The following SNX29 variants were observed in gnomAD, a reference collection of about 807,000 sequenced individuals.
SNX29 encodes the protein sorting nexin 29.
SNX29 carries 78 observed loss-of-function variants against 102.1 expected under a neutral mutation model. The ratio of observed to expected loss-of-function variants is 0.76; its 90% confidence interval spans 0.64 to 0.92. The LOEUF (loss-of-function observed/expected upper bound fraction) is 0.92, where lower values mean the gene tolerates loss of function less well. Among genes scored for constraint, SNX29 ranks in the 40% least tolerant of loss-of-function variants. The pLI is 0.00. For synonymous variants in SNX29, 580 were observed against 414.5 expected (o/e 1.40, Z -4.85); for missense variants, 1,280 against 1,061.7 (o/e 1.21, Z -2.86).
At chr16:12,388,720 C>G (rs1307113515) in intron 16 of SNX29, among the ~76,000 whole-genome samples, 1 of 152,160 alleles carries the variant, frequency 6.6e-6, no homozygotes, top group Non-Finnish European at 1.5e-5. Context: ...GGCCCAGGAG[C>G]CATAGTTGCT....
chr16:12,395,394 G>A (rs12931680), intron 16 of SNX29, among the ~76,000 whole-genome samples: 1 of 152,256 alleles, frequency 6.6e-6, no homozygotes, highest in Non-Finnish European at 1.5e-5. Context: ...ATGCAGCCCA[G>A]AAGTGGATTC....
rs778447013 is a variant in SNX29, at chr16:12,027,270, T to G, written c.123-50T>G. On this transcript the variant is annotated intron_variant, in intron 3 of 20. Transcript: ENST00000566228. ...CCTGGAGATGCTGGGGCCGCCCTAG[T>G]TGCTACTCCCTTTTCTGGGGGGACT... 3.1e-6 allele frequency: 5 copies of G among 1,607,138 alleles called. No individual in the cohort carries two copies. In the East Asian group the frequency reaches 9.0e-5, roughly 29 times the overall value.
At chr16:12,271,319 A>G (rs772040817) in intron 14 of SNX29, among the ~76,000 whole-genome samples, 2 of 152,182 alleles carry the variant, frequency 1.3e-5, no homozygotes, top group Non-Finnish European at 2.9e-5. Flanking sequence ...CATGTGGCTC[A>G]TGGGGGCTGT....
At chr16:12,538,838 G>A (rs564069330) in intron 20 of SNX29, among the ~76,000 whole-genome samples, 16 of 152,174 alleles carry the variant, frequency 1.1e-4, no homozygotes, top group African/African-American at 2.2e-4. Context: ...GCAAAGTCAC[G>A]TGGCAAAGAG....
At chr16:12,180,339 G>T (rs190679954) in intron 13 of SNX29, among the ~76,000 whole-genome samples, 47 of 152,206 alleles carry the variant, frequency 3.1e-4, no homozygotes, top group Admixed American at 2.3e-3. Context: ...TGTCATTTTT[G>T]TATTGTCTCC....
intron 19 of SNX29, among the ~76,000 whole-genome samples, chr16:12,506,924 T>G (rs1171918396): frequency 6.6e-6 from 1 of 151,074 alleles, no homozygotes; most frequent in Non-Finnish European, 1.5e-5. Flanking sequence ...TCACCACTCA[T>G]TTTTGCATTC....
At chr16:12,270,836 A>G (rs1416426940) in intron 14 of SNX29, among the ~76,000 whole-genome samples, 1 of 152,012 alleles carries the variant, frequency 6.6e-6, no homozygotes, top group Non-Finnish European at 1.5e-5. Flanking sequence ...GCGGTCAGGC[A>G]TTCGAGACCC....
intron 18 of SNX29, among the ~76,000 whole-genome samples, chr16:12,427,630 G>A (rs1206392720): frequency 1.3e-5 from 2 of 152,194 alleles, no homozygotes; most frequent in African/African-American, 4.8e-5. Context: ...CATCGGCCAT[G>A]CTTGGAGGTT....
In SNX29 at chr16:12,403,347, C is replaced by CTAT. The variant is rs1309994403; in HGVS notation, c.1956-101_1956-100insTAT. The CTAT allele has an allele frequency of 2.7e-6, 3 of 1,118,594 alleles. No individual in the cohort carries two copies. The Admixed American group carries it at 6.6e-5, about 25-fold the overall frequency. The allele number at this position is 1,118,594 out of a possible 1,614,324, so 69.3% of individuals were successfully genotyped here. ...TGTCATAAATTGCTTGTGCATAATA[C>CTAT]CTCTTGGAGTAGAAAATTGTCTCCT... On this transcript the variant is annotated intron_variant, in intron 17 of 20. Coordinates refer to ENST00000566228, the MANE Select transcript of SNX29 (RefSeq NM_032167.5).
intron 19 of SNX29, among the ~76,000 whole-genome samples, chr16:12,520,592 A>G (rs534844811): frequency 1.3e-5 from 2 of 152,334 alleles, no homozygotes; most frequent in South Asian, 2.1e-4. Context: ...TATGGTTTAT[A>G]TACACCATGG....
rs746058079 is a variant in SNX29 at position 12,061,576 on chromosome 16, G to A, written c.1173G>A (p.Pro391=). The A allele has an allele frequency of 9.3e-6, 15 of 1,611,132 alleles. No homozygotes were observed. The highest frequency in any genetic ancestry group is 1.2e-5 in the Non-Finnish European group (14 of 1,179,080). Residue 391 remains proline, a synonymous_variant, in exon 9 of 21, where the codon CCG becomes CCA. Transcript: ENST00000566228. ...TCLSQMHSWA[P]LKVLHNDSDI... is the part of the protein sequence containing the mutation. Reference sequence around the variant, plus strand: ...TCTCCCAGATGCACAGCTGGGCTCCGCTGAAGGTGCTGCACAATGACTCCG... The same window carrying A: ...TCTCCCAGATGCACAGCTGGGCTCCACTGAAGGTGCTGCACAATGACTCCG...
chr16:12,398,363 G>C, intron 16 of SNX29, 83 bp from the exon 17 acceptor site: 1 of 1,439,498 alleles, frequency 6.9e-7, no homozygotes, highest in Admixed American at 1.7e-5. Context: ...GGATCTCTGA[G>C]AGGCAGAATT....
intron 18 of SNX29, among the ~76,000 whole-genome samples, chr16:12,423,077 G>A (rs2151594667): frequency 6.6e-6 from 1 of 152,294 alleles, no homozygotes; most frequent in East Asian, 1.9e-4. Context: ...TCATGCAGCA[G>A]TTGAGGTGAA....
In SNX29 at chr16:12,362,562, A is replaced by ACCC. The variant is rs796459458; in HGVS notation, c.1899+6292_1899+6294dup. On this transcript the variant is annotated intron_variant, in intron 16 of 20. Transcript: ENST00000566228. Reference sequence around the variant, plus strand: ...ATTTTGGCTGCTGCACTCCCCCCCCACCCCCCCCCCCACCAGTTTCTCCTC... The same window carrying ACCC: ...ATTTTGGCTGCTGCACTCCCCCCCCACCCCCCCCCCCCCCACCAGTTTCTCCTC... Among the ~76,000 whole-genome samples, 27 of 19,986 alleles carry ACCC rather than the reference A, an allele frequency of 1.4e-3. 1 individual carries two copies. The East Asian group carries it at 0.017, about 13-fold the overall frequency. 13.1% of individuals were successfully genotyped at this position (19,986 alleles called of 152,430 possible).
chr16:12,356,144 T>C lies in SNX29; in HGVS notation c.1783-19T>C. On this transcript the variant is annotated intron_variant, in intron 15 of 20. Coordinates refer to ENST00000566228, the MANE Select transcript of SNX29 (RefSeq NM_032167.5). ...GAATGTCTGCCTCTAAGCCTCACCT[T>C]TCCGTGCTTGTGTTCCAGGTGGCAG... 6.2e-7 allele frequency: 1 copy of C among 1,606,466 alleles called. No homozygotes were observed. The highest frequency in any genetic ancestry group is 1.1e-5 in the South Asian group (1 of 89,460).
chr16:12,567,904 C>T (rs528746903), intron 20 of SNX29, among the ~76,000 whole-genome samples: 3 of 152,286 alleles, frequency 2.0e-5, no homozygotes, highest in South Asian at 2.1e-4. Context: ...AGACCCATGC[C>T]CTGGGACCCA....
rs755640544 is a variant in SNX29, at chr16:12,568,678, C to CGG, written c.*49_*50insGG. On this transcript the variant is annotated 3_prime_UTR_variant, in exon 21 of 21. Coordinates refer to ENST00000566228, the MANE Select transcript of SNX29 (RefSeq NM_032167.5). ...GCCCTGTGCGTGGCACCAGCTGCGT[C>CGG]CACCCCAGCCACTGCCGCTGGCCCC... 6.3e-7 allele frequency: 1 copy of CGG among 1,583,638 alleles called. No homozygotes were observed. The highest frequency in any genetic ancestry group is 1.1e-5 in the South Asian group (1 of 89,714).
intron 15 of SNX29, among the ~76,000 whole-genome samples, chr16:12,280,240 C>T (rs186329612): frequency 2.4e-3 from 360 of 152,264 alleles, no homozygotes; most frequent in Non-Finnish European, 2.2e-3. Flanking sequence ...ACTCACGGGT[C>T]GGGAACAGAG....
chr16:12,036,586 G>A (rs189905294), intron 4 of SNX29, among the ~76,000 whole-genome samples: 7 of 152,056 alleles, frequency 4.6e-5, no homozygotes, highest in African/African-American at 1.7e-4. Context: ...CACCTGCCTC[G>A]GCCTCCCAAA....
Sources: allele counts gnomAD v4.1 joint callset (sites outside exome capture counted in the v4.1 genomes callset), GRCh38; gene constraint gnomAD v4.1.1; transcripts MANE v1.5; gene names NCBI Gene and HGNC (gene_info 2026-07-23, HGNC 2026-07-21).